DALRD3: variants seen among roughly 807,000 people sequenced by gnomAD.
DALRD3 encodes the protein DALR anticodon-binding domain-containing protein 3.
DALRD3 carries 47 observed loss-of-function variants against 56.7 expected under a neutral mutation model. The observed-to-expected ratio is 0.83, with a 90% confidence interval of 0.66 to 1.06. The LOEUF (loss-of-function observed/expected upper bound fraction) is 1.06. Ranked by LOEUF, DALRD3 falls within the 50% of genes least tolerant of loss-of-function variation. The pLI, the probability that DALRD3 is intolerant of heterozygous loss-of-function variation, is 0.00. For synonymous variants in DALRD3, 347 were observed against 308.5 expected (o/e 1.12, Z -1.31); for missense variants, 787 against 724.0 (o/e 1.09, Z -1.00).
Position 49,018,382 on chromosome 3 carries a change from C to T in DALRD3, c.165+18G>A. The T allele has an allele frequency of 2.6e-6, 4 of 1,547,022 alleles. No individual in the cohort carries two copies. The highest frequency in any genetic ancestry group is 3.5e-6 in the Non-Finnish European group (4 of 1,148,918). ...GGCCCATCTCCCGGCCGCACGGCCC[C>T]GCCCGGCTCACGCCCACCTGGCCGT... On this transcript the variant is annotated intron_variant, in intron 1 of 11. Coordinates refer to ENST00000341949, the MANE Select transcript of DALRD3 (RefSeq NM_001009996.3).
Position 49,016,472 on chromosome 3 carries a change from G to A in DALRD3, c.1103C>T (p.Ala368Val). 15 of 1,614,044 alleles carry A rather than the reference G, an allele frequency of 9.3e-6. No homozygotes were observed. Among genetic ancestry groups the A allele is most frequent in the Non-Finnish European group, 8.5e-6 (10 of 1,179,990 alleles). ...GCTCAGCATCTCAAACTTGATGGTG[G>A]CCACAGAGAGAACACCAAAGATCTC... ...WTEIFGVLSV[A>V]TIKFEMLSTA... The change falls in exon 8 of 12, where the codon GCC becomes GTC. Residue 368 changes from alanine to valine, a missense_variant. Physicochemically the swap from Ala to Val is moderately conservative, Grantham distance 64 (BLOSUM62 0). Coordinates refer to ENST00000341949, the MANE Select transcript of DALRD3 (RefSeq NM_001009996.3).
At chr3:49,020,617 C>G (rs1209607178), upstream of DALRD3, 4 of 485,294 alleles carry the variant, frequency 8.2e-6, no homozygotes, top group Admixed American at 4.5e-5. Flanking sequence ...GGGCGCTGCT[C>G]AGGCAGGAGA....
chr3:49,020,001 C>T, upstream of DALRD3: 1 of 384,500 alleles, frequency 2.6e-6, no homozygotes, highest in Non-Finnish European at 5.2e-6. Flanking sequence ...AACTTACTCA[C>T]CCCCCACCCC....
At chr3:49,017,094 C>A (rs961451745) in intron 5 of DALRD3, 134 bp downstream of exon 5, 2 of 1,268,654 alleles carry the variant, frequency 1.6e-6, no homozygotes, top group East Asian at 2.3e-5. Context: ...CTGTACATGC[C>A]CTCTCAAGTC....
upstream of DALRD3, among the ~76,000 whole-genome samples, chr3:49,019,866 G>C (rs927766154): frequency 1.3e-5 from 2 of 152,182 alleles, no homozygotes; most frequent in Admixed American, 6.5e-5. Context: ...AGCCATTTAC[G>C]GGCCAACCAA....
chr3:49,019,812 G>A (rs1452942791), upstream of DALRD3, among the ~76,000 whole-genome samples: 1 of 152,192 alleles, frequency 6.6e-6, no homozygotes. Flanking sequence ...CTTTAACCTG[G>A]TGTGCTTTAA....
rs760184519 is a variant in DALRD3, at chr3:49,015,850, A to C, written c.1466T>G (p.Leu489Arg). 6.8e-6 allele frequency: 11 copies of C among 1,613,998 alleles called. No individual in the cohort carries two copies. The Admixed American group carries it at 1.8e-4, about 27-fold the overall frequency. ...TEMICKFLVQLSMDFSSYYNR... is the reference protein window; with the variant it reads ...TEMICKFLVQRSMDFSSYYNR... The stretch of plus-strand genomic sequence containing the variant: ...GTAGTAGGAGCTGAAATCCATGCTG[A>C]GCTGTACCAGGAACTTGCATATCTA... The change falls in exon 11 of 12, where the codon CTC (leucine) becomes CGC (arginine). Residue 489 changes from leucine to arginine, a missense_variant. Leu to Arg is a moderately radical substitution (Grantham distance 102). Transcript: ENST00000341949.
At chr3:49,021,016 C>A (rs1163614369), upstream of DALRD3, 1 of 161,116 alleles carries the variant, frequency 6.2e-6, no homozygotes, top group African/African-American at 2.4e-5. This position sits in a 1 kb window ranked among gnomAD's most constrained non-coding sequence, Gnocchi z 4.1. Flanking sequence ...GGAAGCGCGC[C>A]CGTGGGGCCG....
Position 49,017,494 on chromosome 3 carries a change from A to G in DALRD3, c.738T>C (p.Ser246=). 6.2e-7 allele frequency: 1 copy of G among 1,614,130 alleles called. No individual in the cohort carries two copies. Reference sequence around the variant, plus strand: ...GAGCCTCTTGCAGCTCAGCCAGCACAGAGAGGAGATCCTCAGTCACTGAAA... The same window carrying G: ...GAGCCTCTTGCAGCTCAGCCAGCACGGAGAGGAGATCCTCAGTCACTGAAA... ...DNCLVTEDLL[S]VLAELQEALW... The change falls in exon 4 of 12, where the codon TCT becomes TCC. Residue 246 remains serine (S), a synonymous_variant. Transcript: ENST00000341949.
upstream of DALRD3, chr3:49,021,168 A>G (rs1033108841): frequency 1.3e-5 from 2 of 152,792 alleles, no homozygotes; most frequent in African/African-American, 4.8e-5. This position sits in a 1 kb window ranked among gnomAD's most constrained non-coding sequence, Gnocchi z 4.1. Flanking sequence ...ACCCATTGCG[A>G]CCGGCCCCAG....
At chr3:49,019,922 C>T (rs2093137890), upstream of DALRD3, among the ~76,000 whole-genome samples, 1 of 152,232 alleles carries the variant, frequency 6.6e-6, no homozygotes. Flanking sequence ...GAGTATCTTG[C>T]TCCTCTACCA....
rs746678490 is a variant in DALRD3 at position 49,015,531 on chromosome 3, C to CT, written c.*56dup. ...AATTTATTTTGGCCGTGGGTTTTTG[C>CT]TTTTTTTCCAGTTGATGACTTTGTG... On this transcript the variant is annotated 3_prime_UTR_variant, in exon 12 of 12. Coordinates refer to ENST00000341949, the MANE Select transcript of DALRD3 (RefSeq NM_001009996.3). 9 of 1,598,950 alleles carry CT rather than the reference C, an allele frequency of 5.6e-6. No homozygotes were observed. In the East Asian group the frequency reaches 1.6e-4, roughly 28 times the overall value.
In DALRD3 at chr3:49,017,505, CCTCAGTCA is replaced by C; in HGVS notation, c.719_726del (p.Val240GlyfsTer8). On this transcript the variant is annotated frameshift_variant and splice_region_variant, in exon 4 of 12. Transcript: ENST00000341949. LOFTEE classifies it high-confidence loss of function. ...AGCTCAGCCAGCACAGAGAGGAGAT[CCTCAGTCA>C]CTGAAAAGAGAACAGACAGGTGCTG... The C allele has an allele frequency of 6.2e-7, 1 of 1,614,160 alleles. No individual in the cohort carries two copies.
upstream of DALRD3, chr3:49,018,583 G>A: frequency 2.0e-6 from 3 of 1,534,596 alleles, no homozygotes; most frequent in Middle Eastern, 1.7e-4. Flanking sequence ...GAAGGAGTAA[G>A]CGGAACCGGA....
Position 49,017,338 on chromosome 3 carries a change from C to G in DALRD3, c.817G>C (p.Gly273Arg), listed in dbSNP as rs1211870943. ...TGTACAACCAGGCAGCCGCCTGTAC[C>G]AGTATCTGAGGCCCCAGCCTAAGGG... ...HPGLAGASDT[G>R]TGGCLVVHVV... Residue 273 changes from glycine (G) to arginine (R), a missense_variant, in exon 5 of 12, where the codon GGT becomes CGT. Gly to Arg is a moderately radical substitution (Grantham distance 125, BLOSUM62 -2). Transcript: ENST00000341949. 1.4e-5 allele frequency: 22 copies of G among 1,614,112 alleles called. No individual in the cohort carries two copies. The highest frequency in any genetic ancestry group is 1.3e-5 in the Non-Finnish European group (15 of 1,180,048).
rs918522039 is a variant in DALRD3 at position 49,018,163 on chromosome 3, C to A, written c.321G>T (p.Thr107=). ...RVLSAVAAYA[T]PASPASLGQR... ...GGCCCAGCGAGGCAGGCGAGGCGGG[C>A]GTGGCATAGGCGGCCACGGCGCTGA... The change falls in exon 2 of 12, where the codon ACG becomes ACT. Residue 107 remains threonine (T), a synonymous_variant. Coordinates refer to ENST00000341949, the MANE Select transcript of DALRD3 (RefSeq NM_001009996.3). 1 of 1,456,154 alleles carries A rather than the reference C, an allele frequency of 6.9e-7. No homozygotes were observed. The highest frequency in any genetic ancestry group is 9.0e-7 in the Non-Finnish European group (1 of 1,115,632). 90.2% of individuals were successfully genotyped at this position (1,456,154 alleles called of 1,614,324 possible).
upstream of DALRD3, chr3:49,018,696 T>A: frequency 2.1e-6 from 3 of 1,407,066 alleles, no homozygotes; most frequent in Middle Eastern, 2.5e-4. Flanking sequence ...GGTAGCCCTG[T>A]CGGCTGCTTT....
In DALRD3 at chr3:49,017,639, T is replaced by A. The variant is rs61743083; in HGVS notation, c.692A>T (p.Tyr231Phe). The A allele has an allele frequency of 1.9e-6, 3 of 1,614,092 alleles. No individual in the cohort carries two copies. In the South Asian group the frequency reaches 3.3e-5, roughly 18 times the overall value. Residue 231 changes from tyrosine (Y) to phenylalanine (F), a missense_variant, in exon 3 of 12, where the codon TAT becomes TTT. Coordinates refer to ENST00000341949, the MANE Select transcript of DALRD3 (RefSeq NM_001009996.3). ...CAGACAGTTGTCCAGGTTGGGGTCATAGCCAGCTGTGCGGCCCTGTTCTTC... is the reference window on the plus strand; with the variant it reads ...CAGACAGTTGTCCAGGTTGGGGTCAAAGCCAGCTGTGCGGCCCTGTTCTTC... ...LVEEQGRTAG[Y>F]DPNLDNCLVT...
Position 49,016,413 on chromosome 3 carries a change from AG to A in DALRD3, c.1146+15del, listed in dbSNP as rs2093072240. ...CCTGTGCCCCAACACTGGCCCTGTC[AG>A]GCTCCCAGGCTCACCTGACTCTGTG... On this transcript the variant is annotated intron_variant, in intron 8 of 11. Coordinates refer to ENST00000341949, the MANE Select transcript of DALRD3 (RefSeq NM_001009996.3). 6.2e-7 allele frequency: 1 copy of A among 1,610,608 alleles called. No individual in the cohort carries two copies. Among genetic ancestry groups the A allele is most frequent in the Non-Finnish European group, 8.5e-7 (1 of 1,178,254 alleles).
Sources: gnomAD v4.1 joint callset for allele counts (sites outside exome capture counted in the v4.1 genomes callset) on GRCh38, gnomAD v4.1.1 for gene constraint, Gnocchi (gnomAD v3.1) non-coding constraint, MANE v1.5 for transcripts, NCBI Gene and HGNC (gene_info 2026-07-23, HGNC 2026-07-21) for gene names.